TEX11: variants seen among roughly 807,000 people sequenced by gnomAD.
The protein encoded by TEX11 is testis-expressed protein 11.
In TEX11, 7 loss-of-function variants were observed where a neutral mutation model predicts 84.4. The ratio of observed to expected loss-of-function variants is 0.08; its 90% CI spans 0.05 to 0.16. TEX11 has a LOEUF of 0.16. TEX11 is among the 10% of genes least tolerant of loss of function. The probability of loss-of-function intolerance (pLI) is 1.00; values close to 1 mark genes in which losing one functional copy is unlikely to be tolerated. For missense variants in TEX11, 551 were observed against 660.5 expected, an observed-to-expected ratio of 0.83 and a Z score of 1.82; for synonymous variants, 264 against 222.8, an observed-to-expected ratio of 1.18 and a Z score of -1.64.
chrX:70,722,014 G>A (rs191411262), intron 13 of TEX11, among the ~76,000 whole-genome samples: 1 of 111,866 alleles, frequency 8.9e-6, no homozygotes, highest in African/African-American at 3.2e-5. Flanking sequence ...TGGTTAATGG[G>A]TTCTTAACCA....
At chrX:70,839,824 G>A (rs1004066704) in intron 7 of TEX11, among the ~76,000 whole-genome samples, 3 of 111,868 alleles carry the variant, frequency 2.7e-5, no homozygotes, top group African/African-American at 6.5e-5. Flanking sequence ...ACCAAGGCAC[G>A]AGAGCTACGT....
intron 2 of TEX11, among the ~76,000 whole-genome samples, chrX:70,902,567 G>A (rs2091809155): frequency 2.7e-5 from 3 of 111,353 alleles, no homozygotes; most frequent in African/African-American, 9.8e-5. Context: ...TGTCACTGGG[G>A]CTGCAATGCA....
At chrX:70,816,299 T>A (rs775778038) in intron 8 of TEX11, among the ~76,000 whole-genome samples, 46 of 112,278 alleles carry the variant, frequency 4.1e-4, no homozygotes, top group Admixed American at 6.7e-4. Flanking sequence ...TACTTTCTCT[T>A]CCTATAGCAG....
At chrX:70,629,558 CT>C (rs2147560618) in intron 18 of TEX11, 52 bp downstream of exon 18, 1 of 1,158,745 alleles carries the variant, frequency 8.6e-7, no homozygotes, top group South Asian at 1.8e-5. Flanking sequence ...TATTAATTGT[CT>C]TTCAAAAAGG....
At chrX:70,616,589 A>G (rs1180558678) in intron 20 of TEX11, among the ~76,000 whole-genome samples, 1 of 112,032 alleles carries the variant, frequency 8.9e-6, no homozygotes, top group Non-Finnish European at 1.9e-5. Flanking sequence ...TTGTTGCAGC[A>G]CTATTCACAA....
At position 70,870,525 on chromosome X, in the gene TEX11, C is replaced by T. The variant is rs187012508; in HGVS notation, c.244+2698G>A. ...TAATTTTTCATATTTTTAGTAGAGA[C>T]GGAGTTTCACTGTGTTAGTCAGGAT... On this transcript the variant is annotated intron_variant, in intron 4 of 29. Coordinates refer to ENST00000374333, the MANE Select transcript of TEX11 (RefSeq NM_031276.3). Among the ~76,000 whole-genome samples, 487 of 110,649 alleles carry T rather than the reference C, an allele frequency of 4.4e-3. 3 individuals carry two copies. The highest frequency in any genetic ancestry group is 0.016 in the African/African-American group (473 of 30,477).
intron 2 of TEX11, among the ~76,000 whole-genome samples, chrX:70,885,888 C>CAAAAAAAA (rs780384460): frequency 4.8e-5 from 2 of 41,332 alleles, no homozygotes; most frequent in Admixed American, 2.6e-4. Flanking sequence ...GACACTGCCA[C>CAAAAAAAA]AAAAAAAAAA....
At position 70,692,827 on chromosome X, in the gene TEX11, G is replaced by T. The variant is rs765685071; in HGVS notation, c.1005-10002C>A. On this transcript the variant is annotated intron_variant, in intron 13 of 29. Transcript: ENST00000374333. ...CAGATCCTACTTTCAGTTCTTTGGG[G>T]TATATACCCAAAAGTAGAATTCCTG... is the stretch of plus-strand genomic sequence containing the variant. Among the ~76,000 whole-genome samples the T allele has an allele frequency of 1.5e-3, 170 of 111,102 alleles. 1 individual carries two copies. The highest frequency in any genetic ancestry group is 5.6e-3 in the East Asian group (20 of 3,545).
intron 9 of TEX11, among the ~76,000 whole-genome samples, chrX:70,750,931 AAAATATAT>A (rs1371378583): frequency 1.4e-4 from 3 of 21,993 alleles, no homozygotes; most frequent in Admixed American, 4.6e-4. Context: ...TAAAAAAAAA[AAAATATAT>A]ATATATATAT....
chrX:70,517,787 C>G, the TEX11 span, among the ~76,000 whole-genome samples: 1 of 111,303 alleles, frequency 9.0e-6, no homozygotes, highest in African/African-American at 3.3e-5. Flanking sequence ...TAATAATTGC[C>G]TCAATTTCAG....
chrX:70,684,008 T>C lies in TEX11; in HGVS notation c.1005-1183A>G, dbSNP rs943897840. On this transcript the variant is annotated intron_variant, in intron 13 of 29. Transcript: ENST00000374333. ...GGAAAACGGGATTTCCACATGCAAA[T>C]GAATGAAATTGGATTCTTATCTCAT... 4.2e-4 allele frequency among the ~76,000 whole-genome samples: 47 copies of C among 111,806 alleles called. 1 individual carries two copies. Among genetic ancestry groups the C allele is most frequent in the African/African-American group, 1.5e-3 (47 of 30,799 alleles).
chrX:70,569,194 G>A (rs1416632849), intron 25 of TEX11, among the ~76,000 whole-genome samples: 6 of 111,566 alleles, frequency 5.4e-5, no homozygotes, highest in South Asian at 7.6e-4. Flanking sequence ...CCAGTTGATC[G>A]CATCGGCTCC....
chrX:70,841,983 T>G (rs1397076495), intron 7 of TEX11, among the ~76,000 whole-genome samples: 10 of 111,079 alleles, frequency 9.0e-5, no homozygotes, highest in African/African-American at 3.3e-4. Flanking sequence ...ATTGTGGCAA[T>G]AATCAACAGC....
At chrX:70,743,083 T>A (rs775501653) in intron 10 of TEX11, among the ~76,000 whole-genome samples, 28 of 112,021 alleles carry the variant, frequency 2.5e-4, no homozygotes, top group Non-Finnish European at 4.3e-4. Flanking sequence ...ACCATTTTAC[T>A]TTCTGTCTCT....
chrX:70,784,528 G>A (rs1371624674), intron 9 of TEX11, among the ~76,000 whole-genome samples: 4 of 111,599 alleles, frequency 3.6e-5, no homozygotes, highest in Non-Finnish European at 5.6e-5. Context: ...TAGGAAAAGA[G>A]GAAGTCAAAT....
At position 70,731,072 on chromosome X, in the gene TEX11, A is replaced by G. The variant is rs762831334; in HGVS notation, c.844-5729T>C. On this transcript the variant is annotated intron_variant, in intron 11 of 29. Coordinates refer to ENST00000374333, the MANE Select transcript of TEX11 (RefSeq NM_031276.3). ...ATGACTACTGGGTACATAACAAAAT[A>G]AAGACAGAAATAAAGACGTTCTCTG... 6.0e-3 allele frequency among the ~76,000 whole-genome samples: 667 copies of G among 111,935 alleles called. 4 individuals are homozygous for G. Among genetic ancestry groups the G allele is most frequent in the Non-Finnish European group, 0.01 (543 of 53,132 alleles).
intron 13 of TEX11, among the ~76,000 whole-genome samples, chrX:70,691,311 T>G (rs1221347419): frequency 8.9e-6 from 1 of 112,155 alleles, no homozygotes; most frequent in African/African-American, 3.2e-5. Flanking sequence ...ATATCACTTC[T>G]GGGTACATAT....
chrX:70,568,080 A>T (rs1209145236), intron 25 of TEX11, among the ~76,000 whole-genome samples: 2 of 111,505 alleles, frequency 1.8e-5, no homozygotes, highest in South Asian at 3.8e-4. Flanking sequence ...TTTATGAATC[A>T]GAGTGCTCCT....
rs763541357 is a variant in TEX11 at position 70,639,842 on chromosome X, A to ATTTCC, written c.1484-10108_1484-10107insGGAAA. Among the ~76,000 whole-genome samples, 535 of 111,840 alleles carry ATTTCC rather than the reference A, an allele frequency of 4.8e-3. 4 individuals carry two copies. Among genetic ancestry groups the ATTTCC allele is most frequent in the Non-Finnish European group, 7.4e-3 (392 of 53,134 alleles). ...GAAAAAACAGAACAGAAAAACTGGA[A>ATTTCC]ACTCTAAAAATCAGAGCGCCTCTCC... On this transcript the variant is annotated intron_variant, in intron 17 of 29. Coordinates refer to ENST00000374333, the MANE Select transcript of TEX11 (RefSeq NM_031276.3).
Sources: allele counts gnomAD v4.1 joint callset (sites outside exome capture counted in the v4.1 genomes callset), GRCh38; gene constraint gnomAD v4.1.1; transcripts MANE v1.5; gene names NCBI Gene and HGNC (gene_info 2026-07-23, HGNC 2026-07-21).